FNDC1: variants seen among roughly 807,000 people sequenced by gnomAD.
FNDC1 encodes fibronectin type III domain-containing protein 1.
In FNDC1, 96 loss-of-function variants were observed where a neutral mutation model predicts 168.0. That is an observed-to-expected ratio of 0.57 (90% CI 0.48 to 0.68). FNDC1 has a LOEUF of 0.68. Among genes scored for constraint, FNDC1 ranks in the 30% least tolerant of loss-of-function variants. The pLI, the probability that FNDC1 is intolerant of heterozygous loss-of-function variation, is 0.00. For synonymous variants in FNDC1, 1,099 were observed against 1,025.9 expected, an observed-to-expected ratio of 1.07 and a Z score of -1.36; for missense variants, 2,587 against 2,482.1, an observed-to-expected ratio of 1.04 and a Z score of -0.90.
chr6:159,269,953 G>A (rs1777708210), intron 22 of FNDC1, among the ~76,000 whole-genome samples: 1 of 152,178 alleles, frequency 6.6e-6, no homozygotes, highest in South Asian at 2.1e-4. Context: ...ACCTTGGGAG[G>A]CTGATGTGGG....
chr6:159,183,213 CTT>C (rs1781919234), intron 1 of FNDC1, among the ~76,000 whole-genome samples: 1 of 152,132 alleles, frequency 6.6e-6, no homozygotes, highest in South Asian at 2.1e-4. Context: ...TAGAGAGAAA[CTT>C]GAGTGGCATA....
chr6:159,235,482 C>G (rs1449080368), intron 11 of FNDC1, among the ~76,000 whole-genome samples: 1 of 152,096 alleles, frequency 6.6e-6, no homozygotes, highest in Non-Finnish European at 1.5e-5. Context: ...TTGTATATAG[C>G]AGGAACTCCA....
At chr6:159,249,688 C>T (rs111745873) in intron 16 of FNDC1, among the ~76,000 whole-genome samples, 48 of 152,292 alleles carry the variant, frequency 3.2e-4, no homozygotes, top group Non-Finnish European at 6.2e-4. Context: ...ATTCATTTTA[C>T]TCTTCTTTCT....
chr6:159,194,290 C>T (rs1782198434), intron 1 of FNDC1, among the ~76,000 whole-genome samples: 1 of 152,194 alleles, frequency 6.6e-6, no homozygotes, highest in Non-Finnish European at 1.5e-5. Context: ...CCCAATGTTC[C>T]TTCTATTGGA....
chr6:159,249,787 C>A (rs185141615), intron 16 of FNDC1, among the ~76,000 whole-genome samples: 1 of 152,194 alleles, frequency 6.6e-6, no homozygotes, highest in African/African-American at 2.4e-5. Context: ...CCTTAATGAA[C>A]CTCATTAATG....
intron 19 of FNDC1, among the ~76,000 whole-genome samples, chr6:159,264,124 T>C (rs773975585): frequency 6.6e-6 from 1 of 152,220 alleles, no homozygotes; most frequent in African/African-American, 2.4e-5. Flanking sequence ...GTGTACATCT[T>C]AATGTATTTT....
chr6:159,234,333 G>A lies in FNDC1; in HGVS notation c.3821G>A (p.Gly1274Asp), dbSNP rs182692927. 224 of 1,610,622 alleles carry A rather than the reference G, an allele frequency of 1.4e-4. 1 individual carries two copies. Among genetic ancestry groups the A allele is most frequent in the Middle Eastern group, 1.3e-3 (8 of 6,056 alleles). The part of the protein sequence containing the change: ...RSAATVSPVA[G>D]THPWPQYTTR... ...GCTGCCACCGTGAGCCCCGTCGCGG[G>A]CACCCACCCCTGGCCGCAGTACACC... The change falls in exon 11 of 23, where the codon GGC (glycine) becomes GAC (aspartate). Residue 1274 changes from glycine (G) to aspartate (D), a missense_variant. Coordinates refer to ENST00000297267, the MANE Select transcript of FNDC1 (RefSeq NM_032532.3).
chr6:159,219,143 A>T (rs437238), intron 5 of FNDC1, among the ~76,000 whole-genome samples: 73,541 of 151,176 alleles, frequency 0.49, 20,204 homozygotes, highest in African/African-American at 0.75. Flanking sequence ...CGGGTTTAAG[A>T]GATTCTCCTG....
At chr6:159,211,421 C>T (rs75846430) in intron 4 of FNDC1, among the ~76,000 whole-genome samples, 2,266 of 152,260 alleles carry the variant, frequency 0.015, 56 homozygotes, top group African/African-American at 0.052. Flanking sequence ...AGAGGGATTT[C>T]GAGTGACTGA....
intron 8 of FNDC1, among the ~76,000 whole-genome samples, 152 bp downstream of exon 8, chr6:159,225,874 G>A (rs1039038869): frequency 9.2e-5 from 14 of 152,194 alleles, no homozygotes; most frequent in Admixed American, 6.5e-5. Context: ...GTTTCTATGC[G>A]TACATGCAAA....
At chr6:159,179,125 G>A (rs533000638) in intron 1 of FNDC1, among the ~76,000 whole-genome samples, 2 of 152,322 alleles carry the variant, frequency 1.3e-5, no homozygotes, top group Non-Finnish European at 2.9e-5. Flanking sequence ...GGGCTTTTGC[G>A]CTGGCCGTTC....
At chr6:159,226,253 A>G (rs1406305344) in intron 8 of FNDC1, among the ~76,000 whole-genome samples, 2 of 152,204 alleles carry the variant, frequency 1.3e-5, no homozygotes, top group Non-Finnish European at 2.9e-5. Context: ...TACTAAGACC[A>G]TTTCCCTAGA....
Position 159,248,976 on chromosome 6 carries a change from T to C in FNDC1, c.4691-63T>C, listed in dbSNP as rs1025227331. On this transcript the variant is annotated intron_variant, in intron 15 of 22. Coordinates refer to ENST00000297267, the MANE Select transcript of FNDC1 (RefSeq NM_032532.3). The stretch of plus-strand genomic sequence containing the variant: ...ACAGTTGAATGTAAGAAGGTATCAT[T>C]TGACTATAGACAGTGCTCCTTTTCT... The C allele has an allele frequency of 4.6e-5, 69 of 1,486,124 alleles. No individual in the cohort carries two copies. In the African/African-American group the frequency reaches 8.7e-4, roughly 19 times the overall value. 92.1% of individuals were successfully genotyped at this position (1,486,124 alleles called of 1,614,324 possible).
intron 17 of FNDC1, among the ~76,000 whole-genome samples, chr6:159,254,621 T>G (rs945837934): frequency 1.4e-5 from 2 of 145,722 alleles, no homozygotes; most frequent in African/African-American, 5.1e-5. Flanking sequence ...GGCAGGAGAA[T>G]GGTGTGAACC....
chr6:159,269,156 C>CTATGTATGTATG (rs376690309), intron 22 of FNDC1, among the ~76,000 whole-genome samples: 2,857 of 142,720 alleles, frequency 0.02, 43 homozygotes, highest in African/African-American at 0.031. Context: ...ATCCATCTGT[C>CTATGTATGTATG]TATGTATGTA....
In FNDC1 at chr6:159,233,373, A is replaced by G. The variant is rs1783149197; in HGVS notation, c.2861A>G (p.Gln954Arg). The G allele has an allele frequency of 1.9e-6, 3 of 1,613,868 alleles. No individual in the cohort carries two copies. The highest frequency in any genetic ancestry group is 2.5e-6 in the Non-Finnish European group (3 of 1,179,848). ...GCCTCCAAGGCTCAGGATGTTCAAC[A>G]GAGCACAGACGCGGACACGGAGGGT... is the stretch of plus-strand genomic sequence containing the variant. ...SLASKAQDVQ[Q>R]STDADTEGHS... Residue 954 changes from glutamine to arginine, a missense_variant, in exon 11 of 23, where the codon CAG (glutamine) becomes CGG (arginine). By Grantham distance (43) the Gln-to-Arg change is conservative. Coordinates refer to ENST00000297267, the MANE Select transcript of FNDC1 (RefSeq NM_032532.3). This position sits in a 1 kb window ranked among gnomAD's most constrained non-coding sequence, Gnocchi z 4.6.
intron 4 of FNDC1, among the ~76,000 whole-genome samples, chr6:159,214,620 A>T (rs1782672406): frequency 6.6e-6 from 1 of 152,226 alleles, no homozygotes; most frequent in Admixed American, 6.5e-5. Context: ...GAGAATATAT[A>T]GTTTTGGCCT....
At chr6:159,267,700 A>T in intron 21 of FNDC1, 104 bp from the exon 22 acceptor site, 1 of 1,175,756 alleles carries the variant, frequency 8.5e-7, no homozygotes, top group South Asian at 1.4e-5. Context: ...CAGTTTAAGT[A>T]ATATGCTGAA....
At chr6:159,192,954 T>C (rs2114939594) in intron 1 of FNDC1, among the ~76,000 whole-genome samples, 1 of 152,292 alleles carries the variant, frequency 6.6e-6, no homozygotes, top group East Asian at 1.9e-4. Context: ...ACTTTAGCTT[T>C]CATCTTGATT....
Sources: allele counts gnomAD v4.1 joint callset (sites outside exome capture counted in the v4.1 genomes callset), GRCh38; gene constraint gnomAD v4.1.1; non-coding constraint Gnocchi (gnomAD v3.1); transcripts MANE v1.5; gene names NCBI Gene and HGNC (gene_info 2026-07-23, HGNC 2026-07-21).